THSD7B: variants seen among roughly 807,000 people sequenced by gnomAD.
The protein encoded by THSD7B is thrombospondin type-1 domain-containing protein 7B.
In THSD7B, 138 loss-of-function variants were observed where a neutral mutation model predicts 213.6. The ratio of observed to expected loss-of-function variants is 0.65; its 90% confidence interval spans 0.56 to 0.74. THSD7B has a LOEUF of 0.74. THSD7B is among the 30% of genes least tolerant of loss of function. THSD7B has a pLI of 0.00. For missense variants in THSD7B, 1,931 were observed against 1,991.5 expected (o/e 0.97, Z 0.58); for synonymous variants, 742 against 687.0 (o/e 1.08, Z -1.25).
At chr2:137,198,029 A>G (rs1290413399) in intron 7 of THSD7B, among the ~76,000 whole-genome samples, 1 of 152,152 alleles carries the variant, frequency 6.6e-6, no homozygotes, top group Non-Finnish European at 1.5e-5. Context: ...TAGCAAGTAC[A>G]TCTTTCATGC....
intron 15 of THSD7B, among the ~76,000 whole-genome samples, chr2:137,527,632 T>G (rs1437239287): frequency 6.6e-6 from 1 of 152,076 alleles, no homozygotes; most frequent in Non-Finnish European, 1.5e-5. Context: ...TGGTGTTGAC[T>G]CTGTGCTTGA....
At position 137,347,362 on chromosome 2, in the gene THSD7B, T is replaced by C. The variant is rs561008742; in HGVS notation, c.2501-58251T>C. On this transcript the variant is annotated intron_variant, in intron 12 of 27. Coordinates refer to ENST00000409968, the MANE Select transcript of THSD7B (RefSeq NM_001316349.2). ...ACATGTTACCATAGTGAGAAGTCAG[T>C]AGTGTTCCATTGATTAATAAGTCAA... Among the ~76,000 whole-genome samples, 5 of 151,694 alleles carry C rather than the reference T, an allele frequency of 3.3e-5. No individual in the cohort carries two copies. In the East Asian group the frequency reaches 9.7e-4, roughly 29 times the overall value.
chr2:137,348,585 CTCAG>C (rs1684931943), intron 12 of THSD7B, among the ~76,000 whole-genome samples: 1 of 151,522 alleles, frequency 6.6e-6, no homozygotes, highest in African/African-American at 2.4e-5. Flanking sequence ...CACATAAGAG[CTCAG>C]TCATAATTTC....
chr2:136,969,315 C>T (rs1685369143), intron 2 of THSD7B, among the ~76,000 whole-genome samples: 1 of 152,126 alleles, frequency 6.6e-6, no homozygotes, highest in Admixed American at 6.5e-5. Flanking sequence ...CGTTTTGTTT[C>T]TCAGCACATG....
chr2:137,011,378 C>T (rs1686228528), intron 2 of THSD7B, among the ~76,000 whole-genome samples: 2 of 152,114 alleles, frequency 1.3e-5, no homozygotes, highest in South Asian at 2.1e-4. Flanking sequence ...GCTCTTCTTA[C>T]AGGAGGGTTT....
intron 3 of THSD7B, among the ~76,000 whole-genome samples, chr2:137,081,745 T>G (rs1251457438): frequency 6.6e-6 from 1 of 152,154 alleles, no homozygotes; most frequent in Non-Finnish European, 1.5e-5. Context: ...ATTTTCTGGC[T>G]TTTATTGCAG....
At chr2:136,812,300 A>G (rs1045078992) in intron 1 of THSD7B, among the ~76,000 whole-genome samples, 6 of 152,352 alleles carry the variant, frequency 3.9e-5, no homozygotes, top group African/African-American at 1.4e-4. Flanking sequence ...AGTAATTGTC[A>G]TGAAAAATTT....
At chr2:137,212,854 A>G (rs1266404148) in intron 7 of THSD7B, among the ~76,000 whole-genome samples, 1 of 152,114 alleles carries the variant, frequency 6.6e-6, no homozygotes, top group African/African-American at 2.4e-5. Flanking sequence ...TAAGGAACAA[A>G]CCACAAATGG....
At chr2:137,555,345 C>T (rs1289600457) in intron 15 of THSD7B, among the ~76,000 whole-genome samples, 2 of 152,140 alleles carry the variant, frequency 1.3e-5, no homozygotes, top group Non-Finnish European at 2.9e-5. Flanking sequence ...TGAGATGAAA[C>T]CTCCAGGGGA....
chr2:137,147,911 C>A (rs1030074947), intron 5 of THSD7B, among the ~76,000 whole-genome samples: 4 of 151,988 alleles, frequency 2.6e-5, no homozygotes, highest in Non-Finnish European at 4.4e-5. Context: ...GATCATTTGC[C>A]TTACTGACAT....
At chr2:137,270,848 A>G (rs568797157) in intron 10 of THSD7B, among the ~76,000 whole-genome samples, 1 of 152,330 alleles carries the variant, frequency 6.6e-6, no homozygotes, top group African/African-American at 2.4e-5. Flanking sequence ...CAGAAAGTCA[A>G]TAGGTAATGT....
At chr2:136,778,711 A>C (rs1681659574) in intron 1 of THSD7B, among the ~76,000 whole-genome samples, 1 of 152,228 alleles carries the variant, frequency 6.6e-6, no homozygotes, top group African/African-American at 2.4e-5. Flanking sequence ...CCTCATTAAA[A>C]AAATCTGGTC....
At chr2:137,579,578 C>A (rs1331046856) in intron 17 of THSD7B, among the ~76,000 whole-genome samples, 2 of 152,074 alleles carry the variant, frequency 1.3e-5, no homozygotes, top group Admixed American at 6.5e-5. Flanking sequence ...CTCTGGAGAA[C>A]CCTAATATAG....
chr2:137,670,787 G>A (rs968420379), intron 27 of THSD7B, among the ~76,000 whole-genome samples: 2 of 151,992 alleles, frequency 1.3e-5, no homozygotes, highest in Non-Finnish European at 2.9e-5. Flanking sequence ...CAGGTGTGGT[G>A]GCGGGCGCCT....
Position 137,149,843 on chromosome 2 carries a change from G to T in THSD7B, c.1370-10370G>T, listed in dbSNP as rs144560406. ...ATTTTATAGGCTTATAGGTGGAAGG[G>T]ACATGACTTGTCTCAGATGACACTT... is the stretch of plus-strand genomic sequence containing the variant. On this transcript the variant is annotated intron_variant, in intron 5 of 27. Transcript: ENST00000409968. 5.5e-3 allele frequency among the ~76,000 whole-genome samples: 834 copies of T among 152,318 alleles called. 12 individuals are homozygous for T. Among genetic ancestry groups the T allele is most frequent in the East Asian group, 0.034 (174 of 5,172 alleles).
At chr2:137,125,435 CA>C (rs1343612161) in intron 5 of THSD7B, among the ~76,000 whole-genome samples, 1 of 152,190 alleles carries the variant, frequency 6.6e-6, no homozygotes, top group African/African-American at 2.4e-5. Flanking sequence ...TTGTAAGAAG[CA>C]ATTCATCATC....
At chr2:136,854,470 C>T (rs1683149038) in intron 1 of THSD7B, among the ~76,000 whole-genome samples, 1 of 151,894 alleles carries the variant, frequency 6.6e-6, no homozygotes, top group South Asian at 2.1e-4. Flanking sequence ...CTAACCACCC[C>T]GCACTCCTTC....
rs1034985663 is a variant in THSD7B at position 137,581,770 on chromosome 2, AT to A, written c.3423+9215del. On this transcript the variant is annotated intron_variant, in intron 17 of 27. Transcript: ENST00000409968. ...GCGAGACTCCGTCTCAAAAAAAAAA[AT>A]AAAAAAAAAAAAAATAATAATAAAT... Among the ~76,000 whole-genome samples the A allele has an allele frequency of 3.5e-3, 500 of 142,584 alleles. 2 individuals are homozygous for A. The highest frequency in any genetic ancestry group is 0.012 in the African/African-American group (470 of 38,706). 93.5% of individuals were successfully genotyped at this position (142,584 alleles called of 152,430 possible).
intron 14 of THSD7B, among the ~76,000 whole-genome samples, chr2:137,412,893 C>CT (rs59348687): frequency 0.018 from 2,526 of 140,122 alleles, 80 homozygotes; most frequent in African/African-American, 0.057. Flanking sequence ...TTCTTTCTTT[C>CT]TTTTTTTTTT....
Sources: allele counts gnomAD v4.1 joint callset (sites outside exome capture counted in the v4.1 genomes callset), GRCh38; gene constraint gnomAD v4.1.1; transcripts MANE v1.5; gene names NCBI Gene and HGNC (gene_info 2026-07-23, HGNC 2026-07-21).